The following CCDC171 variants were observed in gnomAD, a reference collection of about 807,000 sequenced individuals.
CCDC171 encodes coiled-coil domain containing 171.
In CCDC171, 177 loss-of-function variants were observed where a neutral mutation model predicts 168.2. The observed-to-expected ratio is 1.05, with a 90% CI of 0.93 to 1.19. CCDC171 has a LOEUF of 1.19. CCDC171 is among the 50% of genes most tolerant of loss of function. CCDC171 has a pLI of 0.00. For synonymous variants in CCDC171, 687 were observed against 540.8 expected, an observed-to-expected ratio of 1.27 and a Z score of -3.75; for missense variants, 1,991 against 1,539.0, an observed-to-expected ratio of 1.29 and a Z score of -4.91.
chr9:15,648,805 G>C (rs773113677), intron 7 of CCDC171, among the ~76,000 whole-genome samples: 6 of 152,162 alleles, frequency 3.9e-5, no homozygotes, highest in Non-Finnish European at 8.8e-5. Context: ...TAAATATCAT[G>C]AAAATGGCCA....
At chr9:15,944,702 TTA>T (rs538397731) in intron 25 of CCDC171, among the ~76,000 whole-genome samples, 361 of 152,126 alleles carry the variant, frequency 2.4e-3, no homozygotes, top group South Asian at 5.2e-3. Context: ...GCCATTTCCT[TTA>T]TGTTATAATC....
the CCDC171 span, among the ~76,000 whole-genome samples, chr9:16,104,676 C>T: frequency 6.6e-6 from 1 of 152,170 alleles, no homozygotes; most frequent in South Asian, 2.1e-4. Flanking sequence ...ATCCATTCAT[C>T]CACCCACCCA....
chr9:15,680,690 T>C (rs2049979446), intron 10 of CCDC171, among the ~76,000 whole-genome samples: 1 of 152,186 alleles, frequency 6.6e-6, no homozygotes, highest in Admixed American at 6.5e-5. Context: ...CTGTGTAGTC[T>C]ACTGTAGCAT....
At chr9:16,021,553 C>T (rs552891464) in intron 4 of CCDC171, among the ~76,000 whole-genome samples, 58 of 152,286 alleles carry the variant, frequency 3.8e-4, no homozygotes, top group African/African-American at 1.3e-3. Flanking sequence ...CCAGTTTCTG[C>T]GACTTGCTAG....
chr9:15,661,948 A>G (rs1019715855), intron 8 of CCDC171, among the ~76,000 whole-genome samples: 20 of 152,238 alleles, frequency 1.3e-4, no homozygotes, highest in Admixed American at 6.5e-5. Context: ...ATCGAGTTGT[A>G]TCTACCTATT....
At chr9:15,698,573 T>G (rs546597105) in intron 11 of CCDC171, among the ~76,000 whole-genome samples, 1 of 152,046 alleles carries the variant, frequency 6.6e-6, no homozygotes, top group African/African-American at 2.4e-5. Context: ...AGTGCCTGGC[T>G]TATTTAACTT....
chr9:15,570,394 T>C (rs1028693253), intron 2 of CCDC171, among the ~76,000 whole-genome samples: 12 of 151,696 alleles, frequency 7.9e-5, no homozygotes, highest in African/African-American at 2.4e-4. Flanking sequence ...AGTTTTTTTT[T>C]TCCCCTCTTC....
At chr9:15,708,270 G>A (rs972104222) in intron 11 of CCDC171, among the ~76,000 whole-genome samples, 2 of 152,190 alleles carry the variant, frequency 1.3e-5, no homozygotes, top group African/African-American at 4.8e-5. Context: ...TCATACTAAT[G>A]ATTGCACAGA....
intron 11 of CCDC171, among the ~76,000 whole-genome samples, chr9:15,715,820 A>G (rs2053040444): frequency 6.6e-6 from 1 of 152,218 alleles, no homozygotes; most frequent in Non-Finnish European, 1.5e-5. Flanking sequence ...AGCTTGAAAA[A>G]CAATGATTTA....
exon 5 of CCDC171, chr9:16,022,452 G>T (rs1289535691): frequency 6.6e-6 from 1 of 152,344 alleles, no homozygotes; most frequent in Non-Finnish European, 1.5e-5. Flanking sequence ...GCGCTCACTA[G>T]GCCTATGGAG....
chr9:15,638,142 T>C (rs1044387529), intron 7 of CCDC171, among the ~76,000 whole-genome samples: 20 of 152,188 alleles, frequency 1.3e-4, no homozygotes, highest in African/African-American at 4.8e-4. Flanking sequence ...AACTTGAAGC[T>C]TTGAAGGTAG....
At chr9:15,996,449 G>A (rs1219072942) in intron 3 of CCDC171, among the ~76,000 whole-genome samples, 3 of 146,636 alleles carry the variant, frequency 2.0e-5, no homozygotes. Flanking sequence ...TTTGCGGGGG[G>A]CGGACATTGG....
intron 23 of CCDC171, among the ~76,000 whole-genome samples, chr9:15,862,434 A>C (rs1353240021): frequency 2.0e-5 from 3 of 151,484 alleles, no homozygotes; most frequent in African/African-American, 7.3e-5. Context: ...TGAAATTCTC[A>C]CTTTGTTCAT....
chr9:15,931,871 A>G (rs1201459185), intron 25 of CCDC171, among the ~76,000 whole-genome samples: 2 of 151,724 alleles, frequency 1.3e-5, no homozygotes, highest in East Asian at 3.9e-4. Context: ...CTATTTATTG[A>G]AGAGATTGTC....
chr9:15,942,428 G>T (rs1201118014), intron 25 of CCDC171, among the ~76,000 whole-genome samples: 1 of 151,830 alleles, frequency 6.6e-6, no homozygotes, highest in Admixed American at 6.6e-5. Flanking sequence ...TATTTCTGTG[G>T]TCTCCCTGCC....
chr9:15,654,184 G>A (rs1408531759), intron 7 of CCDC171, among the ~76,000 whole-genome samples: 2 of 151,184 alleles, frequency 1.3e-5, no homozygotes, highest in African/African-American at 4.9e-5. Context: ...GATCATATTT[G>A]GATTTATTGC....
At position 15,930,928 on chromosome 9, in the gene CCDC171, C is replaced by A. The variant is rs545216963; in HGVS notation, c.3753+10506C>A. On this transcript the variant is annotated intron_variant, in intron 25 of 25. Coordinates refer to ENST00000380701, the MANE Select transcript of CCDC171 (RefSeq NM_173550.4). ...GATCCAGTCAGGGTAGTTAGTGTAT[C>A]CATAATCTCATGCATTTATCATTTA... Among the ~76,000 whole-genome samples, 6 of 151,648 alleles carry A rather than the reference C, an allele frequency of 4.0e-5. No individual in the cohort carries two copies. The South Asian group carries it at 1.2e-3, about 32-fold the overall frequency.
chr9:16,001,576 T>C (rs1186602006), intron 3 of CCDC171, among the ~76,000 whole-genome samples: 1 of 152,142 alleles, frequency 6.6e-6, no homozygotes, highest in African/African-American at 2.4e-5. Context: ...CATAACAACA[T>C]TTCAGTCAAC....
downstream of CCDC171, among the ~76,000 whole-genome samples, chr9:15,975,106 G>C (rs986130491): frequency 7.9e-5 from 12 of 152,098 alleles, no homozygotes; most frequent in African/African-American, 2.9e-4. Flanking sequence ...AATATAAAAG[G>C]TGGAAGATAA....
Sources: allele counts gnomAD v4.1 joint callset (sites outside exome capture counted in the v4.1 genomes callset), GRCh38; gene constraint gnomAD v4.1.1; transcripts MANE v1.5; gene names NCBI Gene and HGNC (gene_info 2026-07-23, HGNC 2026-07-21).